AKT3: variants seen among roughly 807,000 people sequenced by gnomAD.
The protein encoded by AKT3 is RAC-gamma serine/threonine-protein kinase.
Under a neutral mutation model 65.3 loss-of-function variants are expected in AKT3, and 15 were observed. The ratio of observed to expected loss-of-function variants is 0.23; its 90% CI spans 0.15 to 0.35. The LOEUF is 0.35. Ranked by LOEUF, AKT3 falls within the 10% of genes least tolerant of loss-of-function variation. The pLI is 1.00. For synonymous variants in AKT3, 206 were observed against 183.8 expected, an observed-to-expected ratio of 1.12 and a Z score of -0.98; for missense variants, 243 against 576.5, an observed-to-expected ratio of 0.42 and a Z score of 5.92.
intron 7 of AKT3, among the ~76,000 whole-genome samples, chr1:243,614,436 A>C (rs546542898): frequency 6.6e-6 from 1 of 152,276 alleles, no homozygotes; most frequent in African/African-American, 2.4e-5. Flanking sequence ...GAAAATACAG[A>C]AACTTTACCA....
Position 243,759,857 on chromosome 1 carries a change from C to T in AKT3, c.47-64141G>A, listed in dbSNP as rs182395473. On this transcript the variant is annotated intron_variant, in intron 2 of 13. Coordinates refer to ENST00000673466, the MANE Select transcript of AKT3 (RefSeq NM_005465.7). The stretch of plus-strand genomic sequence containing the variant: ...TCAGATTGAATAATTCAGATGAATA[C>T]TCCACTGAGAACAATTTAAAATGTA... 2.1e-3 allele frequency among the ~76,000 whole-genome samples: 315 copies of T among 152,286 alleles called. 3 individuals are homozygous for T. Among genetic ancestry groups the T allele is most frequent in the African/African-American group, 6.8e-3 (283 of 41,566 alleles).
intron 10 of AKT3, 103 bp downstream of exon 10, chr1:243,563,617 G>A (rs1673950821): frequency 7.3e-7 from 1 of 1,374,796 alleles, no homozygotes; most frequent in Admixed American, 2.6e-5. Context: ...TTGAAATATA[G>A]ATAAAAGTAG....
intron 6 of AKT3, among the ~76,000 whole-genome samples, chr1:243,623,651 G>T (rs1355245588): frequency 6.6e-6 from 1 of 152,094 alleles, no homozygotes. Context: ...CAACTCCCTA[G>T]TTTCCCACCA....
intron 8 of AKT3, among the ~76,000 whole-genome samples, chr1:243,596,798 C>T (rs1339079888): frequency 2.6e-5 from 4 of 152,166 alleles, no homozygotes; most frequent in East Asian, 1.9e-4. Context: ...TCCGCATGTA[C>T]GTCACCAGTG....
intron 8 of AKT3, among the ~76,000 whole-genome samples, chr1:243,609,040 C>T (rs966856214): frequency 6.6e-5 from 10 of 151,848 alleles, no homozygotes; most frequent in African/African-American, 1.5e-4. Context: ...GTGTGAGCCA[C>T]GACGCCTGGT....
At chr1:243,624,696 TCAC>T (rs1358620708) in intron 6 of AKT3, 1 of 202,650 alleles carries the variant, frequency 4.9e-6, no homozygotes, top group Non-Finnish European at 1.1e-5. Flanking sequence ...AACCACATCA[TCAC>T]CAAAAGTAAG....
intron 2 of AKT3, among the ~76,000 whole-genome samples, chr1:243,803,906 C>G (rs2148374666): frequency 6.6e-6 from 1 of 152,286 alleles, no homozygotes; most frequent in South Asian, 2.1e-4. Flanking sequence ...TACCATATAA[C>G]TGGTGAGAAG....
At position 243,501,364 on chromosome 1, in the gene AKT3, G is replaced by A. The variant is rs1013408640; in HGVS notation, c.*3885C>T. ...AATATGCAGAGCAGTACATTATCAG[G>A]AAGACGTTAATGAAAAGCTACATTC... is the stretch of plus-strand genomic sequence containing the variant. On this transcript the variant is annotated 3_prime_UTR_variant, in exon 14 of 14. Transcript: ENST00000673466. 2.1e-5 allele frequency: 5 copies of A among 233,086 alleles called. No homozygotes were observed. Among genetic ancestry groups the A allele is most frequent in the Non-Finnish European group, 4.2e-5 (5 of 118,028 alleles). 14.4% of individuals were successfully genotyped at this position (233,086 alleles called of 1,614,324 possible).
intron 2 of AKT3, among the ~76,000 whole-genome samples, chr1:243,792,888 A>G (rs1290452909): frequency 6.6e-6 from 1 of 152,228 alleles, no homozygotes; most frequent in Non-Finnish European, 1.5e-5. Flanking sequence ...TGAATTTATA[A>G]CAGTAAATGT....
chr1:243,547,344 T>C (rs1672748593), intron 11 of AKT3, among the ~76,000 whole-genome samples: 1 of 152,238 alleles, frequency 6.6e-6, no homozygotes, highest in African/African-American at 2.4e-5. Flanking sequence ...GACCTTTGAT[T>C]TTCCTATTAT....
At chr1:243,787,735 A>T (rs972486335) in intron 2 of AKT3, among the ~76,000 whole-genome samples, 3 of 152,052 alleles carry the variant, frequency 2.0e-5, no homozygotes, top group Non-Finnish European at 2.9e-5. Context: ...GAGTATACCA[A>T]TTTGCCTCAG....
intron 11 of AKT3, among the ~76,000 whole-genome samples, chr1:243,548,712 T>G (rs979724354): frequency 2.6e-5 from 4 of 152,238 alleles, no homozygotes; most frequent in African/African-American, 9.6e-5. Context: ...ATCACAGAAT[T>G]CACATTTTCC....
At chr1:243,589,271 A>C (rs1676033599) in intron 8 of AKT3, among the ~76,000 whole-genome samples, 2 of 144,150 alleles carry the variant, frequency 1.4e-5, no homozygotes, top group Non-Finnish European at 3.0e-5. Flanking sequence ...GTGCCACTGC[A>C]CTCCAACCTA....
chr1:243,581,182 T>C (rs1675319214), intron 8 of AKT3, among the ~76,000 whole-genome samples: 1 of 152,248 alleles, frequency 6.6e-6, no homozygotes, highest in African/African-American at 2.4e-5. Flanking sequence ...AGTGCCTGTG[T>C]CTGTCATCAG....
At chr1:243,739,256 C>A (rs1166004475) in intron 2 of AKT3, among the ~76,000 whole-genome samples, 2 of 151,904 alleles carry the variant, frequency 1.3e-5, no homozygotes, top group Non-Finnish European at 2.9e-5. Context: ...CAAGTATATC[C>A]AAAATATGAT....
intron 8 of AKT3, 123 bp from the exon 9 acceptor site, chr1:243,573,171 AC>A (rs1674687810): frequency 8.5e-7 from 1 of 1,180,076 alleles, no homozygotes; most frequent in African/African-American, 1.5e-5. Flanking sequence ...CTCAGTGGAC[AC>A]TGAGCACTCT....
At chr1:243,496,398 C>T (rs577037156), downstream of AKT3, among the ~76,000 whole-genome samples, 1 of 152,312 alleles carries the variant, frequency 6.6e-6, no homozygotes, top group African/African-American at 2.4e-5. Flanking sequence ...AACTCAGGGC[C>T]AGCTTTGAAA....
chr1:243,572,788 G>T (rs1235204111), intron 9 of AKT3, 138 bp downstream of exon 9: 1 of 949,502 alleles, frequency 1.1e-6, no homozygotes, highest in African/African-American at 1.7e-5. Context: ...CAAATGTAGT[G>T]AACTAAATTT....
At chr1:243,776,381 C>T (rs982942556) in intron 2 of AKT3, among the ~76,000 whole-genome samples, 8 of 152,124 alleles carry the variant, frequency 5.3e-5, no homozygotes, top group African/African-American at 1.7e-4. Flanking sequence ...TGAAATGAGG[C>T]CTTTGGGAAA....
Sources: gnomAD v4.1 joint callset for allele counts (sites outside exome capture counted in the v4.1 genomes callset) on GRCh38, gnomAD v4.1.1 for gene constraint, MANE v1.5 for transcripts, NCBI Gene and HGNC (gene_info 2026-07-23, HGNC 2026-07-21) for gene names.